LIF: variants seen among roughly 807,000 people sequenced by gnomAD.
LIF encodes leukemia inhibitory factor.
A neutral mutation model predicts 15.0 loss-of-function variants in LIF; 9 were observed. The ratio of observed to expected loss-of-function variants is 0.60; its 90% CI spans 0.36 to 1.04. LIF has a LOEUF of 1.04. Among genes scored for constraint, LIF ranks in the 50% least tolerant of loss-of-function variants. The pLI is 0.01. For synonymous variants in LIF, 122 were observed against 119.7 expected, an observed-to-expected ratio of 1.02 and a Z score of -0.13; for missense variants, 240 against 266.7, an observed-to-expected ratio of 0.90 and a Z score of 0.70.
intron 2 of LIF, 44 bp from the exon 3 acceptor site, chr22:30,244,105 T>A: frequency 6.4e-7 from 1 of 1,560,188 alleles, no homozygotes; most frequent in Non-Finnish European, 8.7e-7. Context: ...GGGGTCAGTG[T>A]CCCAGCCCTG....
intron 1 of LIF, 129 bp downstream of exon 1, chr22:30,246,548 C>T (rs1408603126): frequency 3.7e-6 from 5 of 1,349,636 alleles, no homozygotes; most frequent in African/African-American, 3.1e-5. Context: ...CCTCCGGTGG[C>T]TGCGCGGGCG....
In LIF at chr22:30,243,905, T is replaced by G. The variant is rs1928769368; in HGVS notation, c.355A>C (p.Ile119Leu). ...VVYLGTSLGN[I>L]TRDQKILNPS... ...TTGAGGATCTTCTGGTCCCGGGTGA[T>G]GTTGCCCAGGGAGGTGCCAAGGTAC... The change falls in exon 3 of 3, where the codon ATC becomes CTC. Residue 119 changes from isoleucine (I) to leucine (L), a missense_variant. Transcript: ENST00000249075. The surrounding 1 kb of genome is among the most constrained non-coding windows in gnomAD (Gnocchi z 6.0). 2 of 1,614,032 alleles carry G rather than the reference T, an allele frequency of 1.2e-6. No homozygotes were observed. The highest frequency in any genetic ancestry group is 2.2e-5 in the South Asian group (2 of 91,090).
rs1449714416 is a variant in LIF, at chr22:30,243,453, A to G, written c.*198T>C. The G allele has an allele frequency of 7.8e-6, 5 of 640,194 alleles. No individual in the cohort carries two copies. The East Asian group carries it at 1.1e-4, about 14-fold the overall frequency. 39.7% of individuals were successfully genotyped at this position (640,194 alleles called of 1,614,324 possible). A position where few individuals can be genotyped will look rare whatever the true frequency, so the allele number is the denominator to read the frequency against. On this transcript the variant is annotated 3_prime_UTR_variant, in exon 3 of 3. Coordinates refer to ENST00000249075, the MANE Select transcript of LIF (RefSeq NM_002309.5). This position sits in a 1 kb window ranked among gnomAD's most constrained non-coding sequence, Gnocchi z 6.0. ...GGCACCTTCTTCTAGCTCCCTCCCT[A>G]TGGAAGTTTCCACTCTGCTCAGCTT...
chr22:30,243,187 G>A lies in LIF; in HGVS notation c.*464C>T, dbSNP rs1928736743. 4.5e-6 allele frequency: 1 copy of A among 223,724 alleles called. No homozygotes were observed. The highest frequency in any genetic ancestry group is 2.3e-5 in the African/African-American group (1 of 44,180). 13.9% of individuals were successfully genotyped at this position (223,724 alleles called of 1,614,324 possible). On this transcript the variant is annotated 3_prime_UTR_variant, in exon 3 of 3. Transcript: ENST00000249075. The surrounding 1 kb of genome is among the most constrained non-coding windows in gnomAD (Gnocchi z 6.0). ...ACTTCTAGGGGACAAGGAGTCCTTTGGGATCCTAGCCCCTCTGGCCCACCT... is the reference window on the plus strand; with the variant it reads ...ACTTCTAGGGGACAAGGAGTCCTTTAGGATCCTAGCCCCTCTGGCCCACCT...
In LIF at chr22:30,244,901, T is replaced by G. The variant is rs954331775; in HGVS notation, c.52A>C (p.Lys18Gln). ...GGGAGGGGGCTCCCCGCCCCATGTTTCCAGTGCAGAACCAACAGCAGGGGC... is the reference window on the plus strand; with the variant it reads ...GGGAGGGGGCTCCCCGCCCCATGTTGCCAGTGCAGAACCAACAGCAGGGGC... ...VVPLLLVLHWKHGAGSPLPIT... is the reference protein window; with the variant it reads ...VVPLLLVLHWQHGAGSPLPIT... The change falls in exon 2 of 3, where the codon AAA becomes CAA. Residue 18 changes from lysine to glutamine, a missense_variant. Coordinates refer to ENST00000249075, the MANE Select transcript of LIF (RefSeq NM_002309.5). The G allele has an allele frequency of 3.5e-5, 56 of 1,614,074 alleles. No homozygotes were observed. Among genetic ancestry groups the G allele is most frequent in the Non-Finnish European group, 4.7e-5 (55 of 1,179,990 alleles).
In LIF at chr22:30,243,740, C is replaced by G. The variant is rs749835524; in HGVS notation, c.520G>C (p.Gly174Arg). The change falls in exon 3 of 3, where the codon GGT (glycine) becomes CGT (arginine). Residue 174 changes from glycine (G) to arginine (R), a missense_variant. By Grantham distance (125) the Gly-to-Arg change is moderately radical (BLOSUM62 -2). Coordinates refer to ENST00000249075, the MANE Select transcript of LIF (RefSeq NM_002309.5). This position sits in a 1 kb window ranked among gnomAD's most constrained non-coding sequence, Gnocchi z 6.0. ...TTCTTCTTCTGGAAGACATCCTTAC[C>G]CGAGGTGTCAGGGCCGTAGGTCACG... is the stretch of plus-strand genomic sequence containing the variant. ...VDVTYGPDTS[G>R]KDVFQKKKLG... 2 of 1,614,266 alleles carry G rather than the reference C, an allele frequency of 1.2e-6. No homozygotes were observed. The highest frequency in any genetic ancestry group is 3.3e-5 in the Admixed American group (2 of 60,032).
intron 1 of LIF, among the ~76,000 whole-genome samples, chr22:30,245,738 C>T (rs1928861758): frequency 6.6e-6 from 1 of 152,184 alleles, no homozygotes; most frequent in East Asian, 1.9e-4. Context: ...GGGTTCCCCT[C>T]CCTCCTAACA....
chr22:30,242,180 G>A lies in LIF; in HGVS notation c.*1471C>T, dbSNP rs1485597473. Reference sequence around the variant, plus strand: ...GGGCACAATATCTGCCAGGAACAGTGCGCCTCACAACACAATGCTGGGGCG... The same window carrying A: ...GGGCACAATATCTGCCAGGAACAGTACGCCTCACAACACAATGCTGGGGCG... On this transcript the variant is annotated 3_prime_UTR_variant, in exon 3 of 3. Coordinates refer to ENST00000249075, the MANE Select transcript of LIF (RefSeq NM_002309.5). The A allele has an allele frequency of 1.3e-5, 2 of 152,668 alleles. No homozygotes were observed. Among genetic ancestry groups the A allele is most frequent in the Non-Finnish European group, 2.9e-5 (2 of 68,080 alleles). 9.5% of individuals were successfully genotyped at this position (152,668 alleles called of 1,614,324 possible).
chr22:30,244,074 A>C lies in LIF; in HGVS notation c.199-13T>G. 6.3e-7 allele frequency: 1 copy of C among 1,592,568 alleles called. No homozygotes were observed. Among genetic ancestry groups the C allele is most frequent in the Non-Finnish European group, 8.5e-7 (1 of 1,170,002 alleles). ...CCTGGGCTGTGTACTGAGGGGCAGA[A>C]GGGAGGTGACGTGGGAGTCAGGGGT... On this transcript the variant is annotated splice_polypyrimidine_tract_variant and intron_variant, in intron 2 of 2. Transcript: ENST00000249075.
In LIF at chr22:30,242,335, G is replaced by GT. The variant is rs1928706558; in HGVS notation, c.*1315_*1316insA. On this transcript the variant is annotated 3_prime_UTR_variant, in exon 3 of 3. Coordinates refer to ENST00000249075, the MANE Select transcript of LIF (RefSeq NM_002309.5). ...CAAGTCACAGTAGGGGATGGGGGGG[G>GT]GTGGAGCAAGGCCCCCCACTCCCAC... 6.6e-6 allele frequency: 1 copy of GT among 151,912 alleles called. No individual in the cohort carries two copies. Among genetic ancestry groups the GT allele is most frequent in the African/African-American group, 2.4e-5 (1 of 41,168 alleles). 9.4% of individuals were successfully genotyped at this position (151,912 alleles called of 1,614,324 possible). A position where few individuals can be genotyped will look rare whatever the true frequency, so the allele number is the denominator to read the frequency against.
chr22:30,244,020 C>T lies in LIF; in HGVS notation c.240G>A (p.Lys80=), dbSNP rs200104521. The T allele has an allele frequency of 4.0e-5, 65 of 1,612,618 alleles. No homozygotes were observed. The highest frequency in any genetic ancestry group is 5.2e-5 in the Non-Finnish European group (61 of 1,179,816). ...QGEPFPNNLD[K]LCGPNVTDFP... ...AGTCCGTCACGTTGGGGCCACATAG[C>T]TTGTCCAGGTTGTTGGGGAACGGCT... The change falls in exon 3 of 3, where the codon AAG becomes AAA. Residue 80 remains lysine, a synonymous_variant. Coordinates refer to ENST00000249075, the MANE Select transcript of LIF (RefSeq NM_002309.5).
In LIF at chr22:30,246,729, C is replaced by T; in HGVS notation, c.-34G>A. On this transcript the variant is annotated 5_prime_UTR_variant, in exon 1 of 3. Coordinates refer to ENST00000249075, the MANE Select transcript of LIF (RefSeq NM_002309.5). ...GCACTTCAGAGGGCCTTGGAGGAAA[C>T]CTCAGATGCCGGCAGTTTTCAGAGG... The T allele has an allele frequency of 6.4e-7, 1 of 1,551,988 alleles. No homozygotes were observed. The highest frequency in any genetic ancestry group is 8.7e-7 in the Non-Finnish European group (1 of 1,146,626).
At position 30,244,027 on chromosome 22, in the gene LIF, A is replaced by G. The variant is rs1314693567; in HGVS notation, c.233T>C (p.Leu78Pro). 8 of 1,611,780 alleles carry G rather than the reference A, an allele frequency of 5.0e-6. No individual in the cohort carries two copies. In the Admixed American group the frequency reaches 6.7e-5, roughly 13 times the overall value. ...CACGTTGGGGCCACATAGCTTGTCC[A>G]GGTTGTTGGGGAACGGCTCCCCCTG... ...TAQGEPFPNN[L>P]DKLCGPNVTD... Residue 78 changes from leucine (L) to proline (P), a missense_variant, in exon 3 of 3, where the codon CTG (leucine) becomes CCG (proline). Transcript: ENST00000249075.
chr22:30,243,832 A>T lies in LIF; in HGVS notation c.428T>A (p.Ile143Asn), dbSNP rs1199630045. Reference protein sequence around the residue: ...LHSKLNATADILRGLLSNVLC... With the variant: ...LHSKLNATADNLRGLLSNVLC... ...CACGTTGCTAAGGAGGCCTCGCAGG[A>T]TGTCGGCGGTGGCGTTGAGCTTGCT... The change falls in exon 3 of 3, where the codon ATC becomes AAC. Residue 143 changes from isoleucine to asparagine, a missense_variant. Physicochemically the swap from Ile to Asn is moderately radical, Grantham distance 149. Coordinates refer to ENST00000249075, the MANE Select transcript of LIF (RefSeq NM_002309.5). The surrounding 1 kb of genome is among the most constrained non-coding windows in gnomAD (Gnocchi z 6.0). 8 of 1,614,106 alleles carry T rather than the reference A, an allele frequency of 5.0e-6. No homozygotes were observed. Among genetic ancestry groups the T allele is most frequent in the Non-Finnish European group, 6.8e-6 (8 of 1,180,048 alleles).
Position 30,240,895 on chromosome 22 carries a change from C to G in LIF, c.*2756G>C, listed in dbSNP as rs886391662. 1 of 152,226 alleles carries G rather than the reference C, an allele frequency of 6.6e-6. No homozygotes were observed. Among genetic ancestry groups the G allele is most frequent in the Non-Finnish European group, 1.5e-5 (1 of 68,074 alleles). 9.4% of individuals were successfully genotyped at this position (152,226 alleles called of 1,614,324 possible). A position where few individuals can be genotyped will look rare whatever the true frequency, so the allele number is the denominator to read the frequency against. On this transcript the variant is annotated 3_prime_UTR_variant, in exon 3 of 3. Transcript: ENST00000249075. The stretch of plus-strand genomic sequence containing the variant: ...GGGTGGAAGTGCCCCAAGTCAGGGA[C>G]AAGGAGGACGATGGGGACGATGGGG...
chr22:30,244,962 T>TA (rs746711034), intron 1 of LIF, 29 bp from the exon 2 acceptor site: 32 of 1,612,274 alleles, frequency 2.0e-5, no homozygotes, highest in Middle Eastern at 1.6e-4. Flanking sequence ...AAGCCATGAG[T>TA]AGAAAGGCAG....
chr22:30,246,420 G>T, intron 1 of LIF: 1 of 1,162,270 alleles, frequency 8.6e-7, no homozygotes. Flanking sequence ...GAGAAGGAGA[G>T]GGGGAAGAAG....
intron 2 of LIF, 92 bp downstream of exon 2, chr22:30,244,663 A>G (rs1350430639): frequency 8.1e-7 from 1 of 1,229,872 alleles, no homozygotes; most frequent in Non-Finnish European, 1.2e-6. Context: ...CCAGCCCCAA[A>G]AGGTCCCCTC....
intron 2 of LIF, among the ~76,000 whole-genome samples, chr22:30,244,479 C>T (rs1309310989): frequency 6.6e-6 from 1 of 152,160 alleles, no homozygotes; most frequent in Non-Finnish European, 1.5e-5. Flanking sequence ...CCCTCCATCC[C>T]TCGCTCCCTG....
Sources: gnomAD v4.1 joint callset for allele counts (sites outside exome capture counted in the v4.1 genomes callset) on GRCh38, gnomAD v4.1.1 for gene constraint, Gnocchi (gnomAD v3.1) non-coding constraint, MANE v1.5 for transcripts, NCBI Gene and HGNC (gene_info 2026-07-23, HGNC 2026-07-21) for gene names.